KLHL1: variants seen among roughly 807,000 people sequenced by gnomAD.
The protein encoded by KLHL1 is kelch like family member 1, also known as kelch-like protein 1.
A neutral mutation model predicts 77.7 loss-of-function variants in KLHL1; 47 were observed. The ratio of observed to expected loss-of-function variants is 0.60; its 90% CI spans 0.48 to 0.77. The LOEUF is 0.77. Among genes scored for constraint, KLHL1 ranks in the 30% least tolerant of loss-of-function variants. KLHL1 has a pLI of 0.00. For missense variants in KLHL1, 925 were observed against 910.8 expected (o/e 1.02, Z -0.20); for synonymous variants, 360 against 325.2 (o/e 1.11, Z -1.15).
At chr13:69,796,658 C>T (rs1168890797) in intron 7 of KLHL1, 80 bp downstream of exon 7, 9 of 1,023,990 alleles carry the variant, frequency 8.8e-6, no homozygotes, top group Non-Finnish European at 1.1e-5. Context: ...CTAAGACAGA[C>T]ATCAATAATA....
chr13:69,930,811 A>G (rs1160646560), intron 4 of KLHL1, among the ~76,000 whole-genome samples: 1 of 151,670 alleles, frequency 6.6e-6, no homozygotes, highest in Admixed American at 6.6e-5. Context: ...ATTCCTTAAA[A>G]CTACAGCCTT....
intron 1 of KLHL1, among the ~76,000 whole-genome samples, chr13:70,073,503 C>T (rs1455925752): frequency 6.6e-6 from 1 of 151,856 alleles, no homozygotes; most frequent in African/African-American, 2.4e-5. Context: ...CACATGTGTA[C>T]ATATGTAACA....
In KLHL1 at chr13:69,830,577, C is replaced by T. The variant is rs377751089; in HGVS notation, c.1414+8399G>A. Among the ~76,000 whole-genome samples the T allele has an allele frequency of 2.0e-4, 30 of 150,240 alleles. No individual in the cohort carries two copies. In the East Asian group the frequency reaches 4.3e-3, roughly 21 times the overall value. ...TCAACAAAGAAACAATGGACTTAAACTATACCCTGGAACAAATGGACTTAA... is the reference window on the plus strand; with the variant it reads ...TCAACAAAGAAACAATGGACTTAAATTATACCCTGGAACAAATGGACTTAA... On this transcript the variant is annotated intron_variant, in intron 6 of 10. Coordinates refer to ENST00000377844, the MANE Select transcript of KLHL1 (RefSeq NM_020866.3).
chr13:69,857,221 A>G (rs1879953073), intron 5 of KLHL1, among the ~76,000 whole-genome samples: 1 of 152,104 alleles, frequency 6.6e-6, no homozygotes, highest in East Asian at 1.9e-4. Context: ...CCCTTTACTT[A>G]AAAACTCTCC....
chr13:70,036,835 C>CTTT (rs5804467), intron 1 of KLHL1, among the ~76,000 whole-genome samples: 451 of 50,408 alleles, frequency 8.9e-3, no homozygotes, highest in Middle Eastern at 0.017. Context: ...ATGCCATGGT[C>CTTT]TTTTTTTTTT....
chr13:69,773,747 A>G (rs1297989705), intron 7 of KLHL1, among the ~76,000 whole-genome samples: 1 of 151,698 alleles, frequency 6.6e-6, no homozygotes, highest in Non-Finnish European at 1.5e-5. Flanking sequence ...ATTTCAGGCC[A>G]AGAGTTACTG....
intron 7 of KLHL1, among the ~76,000 whole-genome samples, chr13:69,747,862 T>C (rs983330022): frequency 2.0e-5 from 3 of 151,888 alleles, no homozygotes; most frequent in African/African-American, 7.2e-5. Flanking sequence ...AATCTAGCTT[T>C]CATAGAAATA....
At chr13:69,993,164 G>C (rs1885067524) in intron 1 of KLHL1, among the ~76,000 whole-genome samples, 1 of 152,012 alleles carries the variant, frequency 6.6e-6, no homozygotes, top group Non-Finnish European at 1.5e-5. Context: ...ACGTTCTAGA[G>C]GCTGAAGAAG....
At chr13:69,752,711 G>T (rs776508796) in intron 7 of KLHL1, among the ~76,000 whole-genome samples, 4 of 152,134 alleles carry the variant, frequency 2.6e-5, no homozygotes, top group Non-Finnish European at 5.9e-5. Context: ...GGGTTTAAAG[G>T]TTGGGTAGAA....
chr13:69,926,329 T>C (rs895119298), intron 4 of KLHL1, among the ~76,000 whole-genome samples: 1 of 152,134 alleles, frequency 6.6e-6, no homozygotes, highest in African/African-American at 2.4e-5. Flanking sequence ...TTAAATGCCA[T>C]GACTTTAAAA....
chr13:69,780,685 CATATATATATAT>C (rs1211073965), intron 7 of KLHL1, among the ~76,000 whole-genome samples: 2 of 28,118 alleles, frequency 7.1e-5, no homozygotes, highest in African/African-American at 2.6e-4. Context: ...TCTCTTTCTT[CATATATATATAT>C]ATATGTATAT....
At chr13:69,898,108 G>A (rs1881713644) in intron 4 of KLHL1, among the ~76,000 whole-genome samples, 1 of 152,198 alleles carries the variant, frequency 6.6e-6, no homozygotes, top group African/African-American at 2.4e-5. Flanking sequence ...ATCTCAGAGT[G>A]TGGTTAATAA....
At chr13:69,885,612 A>C (rs1477878867) in intron 4 of KLHL1, among the ~76,000 whole-genome samples, 1 of 152,180 alleles carries the variant, frequency 6.6e-6, no homozygotes, top group East Asian at 1.9e-4. Flanking sequence ...TGAGTTTCTT[A>C]CATTGCTTGC....
chr13:70,065,337 G>A (rs1293253753), intron 1 of KLHL1, among the ~76,000 whole-genome samples: 2 of 152,130 alleles, frequency 1.3e-5, no homozygotes, highest in South Asian at 4.1e-4. Context: ...GATGACAGTG[G>A]CATCATAGCC....
chr13:69,739,865 T>A (rs1873912161), intron 8 of KLHL1, among the ~76,000 whole-genome samples: 1 of 152,138 alleles, frequency 6.6e-6, no homozygotes, highest in Non-Finnish European at 1.5e-5. Flanking sequence ...GTAGACAATA[T>A]CTGGAGATAT....
chr13:69,981,543 T>G (rs1045569319), intron 1 of KLHL1, among the ~76,000 whole-genome samples: 1 of 152,032 alleles, frequency 6.6e-6, no homozygotes, highest in Non-Finnish European at 1.5e-5. Flanking sequence ...GGAAAAAAAT[T>G]TAACTATTTG....
intron 1 of KLHL1, among the ~76,000 whole-genome samples, chr13:70,085,502 A>T (rs1196460229): frequency 6.6e-6 from 1 of 152,178 alleles, no homozygotes. Context: ...TTAAATGTTT[A>T]ATTTTTTTAT....
intron 7 of KLHL1, among the ~76,000 whole-genome samples, chr13:69,790,915 C>A (rs1876840158): frequency 6.6e-6 from 1 of 151,884 alleles, no homozygotes; most frequent in African/African-American, 2.4e-5. Flanking sequence ...ATAAAACATT[C>A]ATTGAACTAG....
chr13:70,076,617 C>CA (rs759122652), intron 1 of KLHL1, among the ~76,000 whole-genome samples: 8 of 150,218 alleles, frequency 5.3e-5, no homozygotes, highest in African/African-American at 1.2e-4. Context: ...TGAAAGAAAA[C>CA]AAAAAAAAAC....
Sources: allele counts gnomAD v4.1 joint callset (sites outside exome capture counted in the v4.1 genomes callset), GRCh38; gene constraint gnomAD v4.1.1; transcripts MANE v1.5; gene names NCBI Gene and HGNC (gene_info 2026-07-23, HGNC 2026-07-21).